Variants in ST7L observed in about 807,000 individuals in gnomAD.
The protein encoded by ST7L is suppressor of tumorigenicity 7 protein-like.
Under a neutral mutation model 72.5 loss-of-function variants are expected in ST7L, and 57 were observed. The observed-to-expected ratio is 0.79, with a 90% CI of 0.64 to 0.98. The LOEUF is 0.98. Among genes scored for constraint, ST7L ranks in the 50% least tolerant of loss-of-function variants. The pLI is 0.00. For missense variants in ST7L, 576 were observed against 672.2 expected (o/e 0.86, Z 1.58); for synonymous variants, 221 against 240.9 (o/e 0.92, Z 0.77).
chr1:112,602,083 C>CAAAA (rs71584754), intron 3 of ST7L, among the ~76,000 whole-genome samples: 47 of 88,936 alleles, frequency 5.3e-4, no homozygotes, highest in African/African-American at 1.3e-3. Flanking sequence ...AAACTCCATC[C>CAAAA]AAAAAAAAAA....
At chr1:112,571,945 C>A (rs1252360138) in intron 11 of ST7L, among the ~76,000 whole-genome samples, 1 of 152,176 alleles carries the variant, frequency 6.6e-6, no homozygotes. Context: ...TACGGCCTTA[C>A]TAAATGTATT....
At chr1:112,568,863 T>TATAAATATAA (rs562909633) in intron 11 of ST7L, among the ~76,000 whole-genome samples, 5 of 83,316 alleles carry the variant, frequency 6.0e-5, no homozygotes, top group African/African-American at 1.9e-4. Context: ...TAAATATAAA[T>TATAAATATAA]ATATATATAT....
At chr1:112,572,388 A>G (rs1400895246) in intron 11 of ST7L, among the ~76,000 whole-genome samples, 1 of 152,210 alleles carries the variant, frequency 6.6e-6, no homozygotes, top group Non-Finnish European at 1.5e-5. Flanking sequence ...CTCTCTAGCT[A>G]TGAAAGTCTT....
In ST7L at chr1:112,533,467, C is replaced by A. The variant is rs530725817; in HGVS notation, c.1630-7356G>T. On this transcript the variant is annotated intron_variant, in intron 14 of 14. Coordinates refer to ENST00000358039, the MANE Select transcript of ST7L (RefSeq NM_017744.5). ...CCAAGTAGCTGGGACTACAGGCGCG[C>A]CACCACGCCCAGCCAATTTTTGTAT... Among the ~76,000 whole-genome samples, 3 of 151,924 alleles carry A rather than the reference C, an allele frequency of 2.0e-5. No homozygotes were observed. In the East Asian group the frequency reaches 5.8e-4, roughly 29 times the overall value.
chr1:112,551,749 T>C (rs187979838), intron 12 of ST7L, among the ~76,000 whole-genome samples: 76 of 152,348 alleles, frequency 5.0e-4, no homozygotes, highest in African/African-American at 1.8e-3. Context: ...TCTATTCCAT[T>C]AGCTAAGTAC....
intron 3 of ST7L, among the ~76,000 whole-genome samples, chr1:112,604,539 A>G (rs1486954635): frequency 6.6e-6 from 1 of 152,096 alleles, no homozygotes; most frequent in Non-Finnish European, 1.5e-5. Flanking sequence ...CAGACATAGG[A>G]TAGACATCCC....
chr1:112,530,883 G>A (rs1039949820), intron 14 of ST7L, among the ~76,000 whole-genome samples: 6 of 152,172 alleles, frequency 3.9e-5, no homozygotes, highest in Admixed American at 1.3e-4. Flanking sequence ...GCCAAAAAAT[G>A]CAGAATTGAT....
At chr1:112,567,505 G>A (rs1453853846) in intron 11 of ST7L, among the ~76,000 whole-genome samples, 3 of 151,974 alleles carry the variant, frequency 2.0e-5, no homozygotes, top group Non-Finnish European at 2.9e-5. Flanking sequence ...TGCCTTCTAT[G>A]TCCTAGGAAA....
intron 1 of ST7L, chr1:112,617,112 A>G (rs1331464458): frequency 6.5e-6 from 2 of 308,860 alleles, no homozygotes; most frequent in African/African-American, 4.4e-5. Flanking sequence ...TGCTTTGGAG[A>G]ATAAAACTAA....
chr1:112,547,193 CTTTTTTTT>C (rs759140130), intron 13 of ST7L, among the ~76,000 whole-genome samples: 1 of 137,524 alleles, frequency 7.3e-6, no homozygotes, highest in Non-Finnish European at 1.6e-5. Flanking sequence ...TTCTTTCTTT[CTTTTTTTT>C]TTTTTTTTTG....
chr1:112,582,334 TG>T, intron 8 of ST7L, 40 bp downstream of exon 8: 1 of 1,429,618 alleles, frequency 7.0e-7, no homozygotes, highest in Non-Finnish European at 9.7e-7. Context: ...TTTTAGTTTC[TG>T]GAGGAATAAA....
chr1:112,573,910 G>A (rs1277352661), intron 11 of ST7L, among the ~76,000 whole-genome samples: 1 of 91,850 alleles, frequency 1.1e-5, no homozygotes, highest in Non-Finnish European at 2.0e-5. Flanking sequence ...TTCTTTTCCT[G>A]TTTTTTTTTT....
intron 14 of ST7L, chr1:112,539,828 G>T: frequency 1.0e-6 from 1 of 985,318 alleles, no homozygotes; most frequent in Non-Finnish European, 1.2e-6. Context: ...AAATGTACAT[G>T]TAAAGGCCAC....
At chr1:112,568,978 A>G (rs1341300546) in intron 11 of ST7L, among the ~76,000 whole-genome samples, 1 of 151,348 alleles carries the variant, frequency 6.6e-6, no homozygotes, top group Non-Finnish European at 1.5e-5. Context: ...GTGATGCTTA[A>G]TATCATTAGT....
chr1:112,618,823 C>A, intron 1 of ST7L, 86 bp downstream of exon 1: 1 of 1,510,306 alleles, frequency 6.6e-7, no homozygotes, highest in Admixed American at 2.1e-5. Context: ...CCCTCTAGGA[C>A]TACCGAGAAT....
chr1:112,518,003 T>G, the ST7L span: 2 of 152,290 alleles, frequency 1.3e-5, no homozygotes, highest in African/African-American at 2.4e-5. Flanking sequence ...AGGTTCTCTC[T>G]AAGGGAGATT....
At chr1:112,612,428 T>C (rs1346125049) in intron 2 of ST7L, among the ~76,000 whole-genome samples, 1 of 152,134 alleles carries the variant, frequency 6.6e-6, no homozygotes, top group East Asian at 1.9e-4. Flanking sequence ...ACTATTTTAC[T>C]ATGACCACAA....
At chr1:112,559,047 T>C (rs1041242350) in intron 11 of ST7L, among the ~76,000 whole-genome samples, 1 of 152,224 alleles carries the variant, frequency 6.6e-6, no homozygotes, top group East Asian at 1.9e-4. Flanking sequence ...TAAAATTCTG[T>C]TTCATTTCAC....
At chr1:112,544,644 T>C (rs191967261) in intron 13 of ST7L, among the ~76,000 whole-genome samples, 1 of 152,362 alleles carries the variant, frequency 6.6e-6, no homozygotes, top group East Asian at 1.9e-4. Flanking sequence ...GTTAGTAATA[T>C]TACCTAACCT....
Sources: allele counts gnomAD v4.1 joint callset (sites outside exome capture counted in the v4.1 genomes callset), GRCh38; gene constraint gnomAD v4.1.1; transcripts MANE v1.5; gene names NCBI Gene and HGNC (gene_info 2026-07-23, HGNC 2026-07-21).